PDE4D: variants seen among roughly 807,000 people sequenced by gnomAD.
The protein encoded by PDE4D is 3',5'-cyclic-AMP phosphodiesterase 4D.
A neutral mutation model predicts 87.4 loss-of-function variants in PDE4D; 24 were observed. The observed-to-expected ratio is 0.27, with a 90% CI of 0.20 to 0.39. The LOEUF (loss-of-function observed/expected upper bound fraction) is 0.39. Among genes scored for constraint, PDE4D ranks in the 10% least tolerant of loss-of-function variants. The pLI is 1.00. For missense variants in PDE4D, 714 were observed against 1,041.0 expected, an observed-to-expected ratio of 0.69 and a Z score of 4.32; for synonymous variants, 384 against 383.2, an observed-to-expected ratio of 1.00 and a Z score of -0.02.
At chr5:60,453,935 T>C (rs1267184204) in intron 1 of PDE4D, among the ~76,000 whole-genome samples, 2 of 152,308 alleles carry the variant, frequency 1.3e-5, no homozygotes, top group Middle Eastern at 3.4e-3. Context: ...TACATGTCTG[T>C]AACTTATGAT....
At chr5:59,066,069 C>T (rs1430545925) in intron 5 of PDE4D, among the ~76,000 whole-genome samples, 3 of 152,056 alleles carry the variant, frequency 2.0e-5, no homozygotes, top group African/African-American at 7.2e-5. Flanking sequence ...TACCTTATTC[C>T]TTCTACTAAA....
chr5:59,188,058 T>C (rs1344604151), intron 3 of PDE4D, among the ~76,000 whole-genome samples: 1 of 152,156 alleles, frequency 6.6e-6, no homozygotes, highest in East Asian at 1.9e-4. Flanking sequence ...ACAGTTTTAC[T>C]GAAGCCCCTA....
intron 1 of PDE4D, among the ~76,000 whole-genome samples, chr5:60,384,353 T>A (rs1009912279): frequency 6.6e-6 from 1 of 152,266 alleles, no homozygotes; most frequent in Non-Finnish European, 1.5e-5. Context: ...CAATTATTGG[T>A]TAGCCTAGTT....
intron 2 of PDE4D, among the ~76,000 whole-genome samples, chr5:60,157,156 C>CT (rs1233022287): frequency 6.6e-6 from 1 of 152,034 alleles, no homozygotes; most frequent in Non-Finnish European, 1.5e-5. Flanking sequence ...GGGTATATAT[C>CT]TTTTTGAATA....
At position 60,301,889 on chromosome 5, in the gene PDE4D, T is replaced by C. The variant is rs1032454924; in HGVS notation, c.-89-116202A>G. On this transcript the variant is annotated intron_variant, in intron 1 of 16. Transcript: ENST00000502484. ...TGAGAGTTTTTAACATGAGTGGATG[T>C]TGAACTTTATCAAAGGCCTTTTCTG... Among the ~76,000 whole-genome samples, 4 of 152,190 alleles carry C rather than the reference T, an allele frequency of 2.6e-5. No homozygotes were observed. In the South Asian group the frequency reaches 6.2e-4, roughly 24 times the overall value.
At chr5:59,114,750 A>G (rs1773291112) in intron 5 of PDE4D, among the ~76,000 whole-genome samples, 1 of 152,134 alleles carries the variant, frequency 6.6e-6, no homozygotes, top group Non-Finnish European at 1.5e-5. Context: ...CAATTGACTT[A>G]GAGAAACTTG....
chr5:60,058,145 T>A (rs1562037566), intron 2 of PDE4D, among the ~76,000 whole-genome samples: 3 of 152,026 alleles, frequency 2.0e-5, no homozygotes, highest in Admixed American at 2.0e-4. Flanking sequence ...TAAAGCCTCC[T>A]GAATATATAA....
upstream of PDE4D, chr5:60,490,698 C>G (rs1335661635): frequency 6.6e-6 from 1 of 152,198 alleles, no homozygotes; most frequent in Non-Finnish European, 1.5e-5. Context: ...GAGTGCAGTC[C>G]TTGCTCATAT....
rs1491246375 is a variant in PDE4D, at chr5:59,771,482, A to AGAG, written c.455+121685_455+121686insCTC. 5.6e-3 allele frequency among the ~76,000 whole-genome samples: 619 copies of AGAG among 110,922 alleles called. 2 individuals carry two copies. The highest frequency in any genetic ancestry group is 0.011 in the African/African-American group (278 of 25,268). 72.8% of individuals were successfully genotyped at this position (110,922 alleles called of 152,430 possible). A position where few individuals can be genotyped will look rare whatever the true frequency, so the allele number is the denominator to read the frequency against. ...GAAAGAAAGAAAGAAAGAAAGAAAGAAAGAGAGAGAGAGAGAGAAGAAAGA... is the reference window on the plus strand; with the variant it reads ...GAAAGAAAGAAAGAAAGAAAGAAAGAGAGAAGAGAGAGAGAGAGAGAAGAAAGA... On this transcript the variant is annotated intron_variant, in intron 1 of 14. Coordinates refer to ENST00000340635, the MANE Select transcript of PDE4D (RefSeq NM_001104631.2).
chr5:59,014,320 C>T (rs10155544), intron 6 of PDE4D, among the ~76,000 whole-genome samples: 15,354 of 152,046 alleles, frequency 0.1, 1,041 homozygotes, highest in Non-Finnish European at 0.13. Flanking sequence ...GAGAAAGAAA[C>T]AAAGGGTATT....
At chr5:60,102,384 A>C (rs1776310756) in intron 2 of PDE4D, among the ~76,000 whole-genome samples, 1 of 152,142 alleles carries the variant, frequency 6.6e-6, no homozygotes, top group Non-Finnish European at 1.5e-5. Flanking sequence ...ATTGTGAAGA[A>C]GAAATCTTTC....
At chr5:60,358,149 T>C (rs1260219861) in intron 1 of PDE4D, among the ~76,000 whole-genome samples, 1 of 152,238 alleles carries the variant, frequency 6.6e-6, no homozygotes, top group Non-Finnish European at 1.5e-5. Context: ...ACCACTCTGC[T>C]ATACTGTGGT....
rs1241504916 is a variant in PDE4D at position 59,390,488 on chromosome 5, T to TAAAC, written c.456-174524_456-174521dup. On this transcript the variant is annotated intron_variant, in intron 1 of 14. Coordinates refer to ENST00000340635, the MANE Select transcript of PDE4D (RefSeq NM_001104631.2). ...GAATGTTTACTAAATTTCTGCTGCATAAACAGCTTTGCACAGTGGATTTAT... is the reference window on the plus strand; with the variant it reads ...GAATGTTTACTAAATTTCTGCTGCATAAACAAACAGCTTTGCACAGTGGATTTAT... Among the ~76,000 whole-genome samples the TAAAC allele has an allele frequency of 5.9e-5, 9 of 152,270 alleles. No individual in the cohort carries two copies. In the East Asian group the frequency reaches 9.7e-4, roughly 16 times the overall value.
At chr5:59,240,744 A>G (rs1373697921) in intron 1 of PDE4D, among the ~76,000 whole-genome samples, 2 of 151,726 alleles carry the variant, frequency 1.3e-5, no homozygotes, top group African/African-American at 4.8e-5. Context: ...TGACTTATAA[A>G]TCTTTGGAAA....
intron 1 of PDE4D, among the ~76,000 whole-genome samples, chr5:60,383,513 G>A (rs1218943864): frequency 6.6e-6 from 1 of 152,134 alleles, no homozygotes; most frequent in Non-Finnish European, 1.5e-5. Context: ...AGCAAAAGGT[G>A]TGCTTCCCAG....
chr5:59,784,738 C>A (rs1764984661), intron 1 of PDE4D, among the ~76,000 whole-genome samples: 1 of 152,136 alleles, frequency 6.6e-6, no homozygotes, highest in Non-Finnish European at 1.5e-5. Flanking sequence ...GCTGTGTCCC[C>A]ACCCAAATCT....
At chr5:59,826,507 A>AC (rs1366971966) in intron 1 of PDE4D, among the ~76,000 whole-genome samples, 1 of 121,862 alleles carries the variant, frequency 8.2e-6, no homozygotes, top group Admixed American at 8.4e-5. Flanking sequence ...AAAATCGAGA[A>AC]CTTTTTTTTT....
intron 1 of PDE4D, among the ~76,000 whole-genome samples, chr5:59,541,908 G>A (rs1328699009): frequency 6.6e-6 from 1 of 152,122 alleles, no homozygotes; most frequent in East Asian, 1.9e-4. Context: ...GCTTCTGCAT[G>A]ATCTACTCTT....
chr5:59,928,000 A>G (rs1561871222), intron 3 of PDE4D, among the ~76,000 whole-genome samples: 1 of 152,194 alleles, frequency 6.6e-6, no homozygotes, highest in Non-Finnish European at 1.5e-5. Flanking sequence ...TTCAGACTGA[A>G]TAATACCCAG....
Sources: allele counts gnomAD v4.1 joint callset (sites outside exome capture counted in the v4.1 genomes callset), GRCh38; gene constraint gnomAD v4.1.1; transcripts MANE v1.5; gene names NCBI Gene and HGNC (gene_info 2026-07-23, HGNC 2026-07-21).